The following CACNB2 variants were observed in gnomAD, a reference collection of about 807,000 sequenced individuals.
CACNB2 encodes the protein calcium voltage-gated channel auxiliary subunit beta 2, also known as voltage-dependent L-type calcium channel subunit beta-2.
Under a neutral mutation model 73.3 loss-of-function variants are expected in CACNB2, and 42 were observed. The observed-to-expected ratio is 0.57, with a 90% CI of 0.45 to 0.74. CACNB2 has a LOEUF of 0.74. Among genes scored for constraint, CACNB2 ranks in the 30% least tolerant of loss-of-function variants. CACNB2 has a pLI of 0.00. For missense variants in CACNB2, 940 were observed against 853.0 expected, an observed-to-expected ratio of 1.10 and a Z score of -1.27; for synonymous variants, 348 against 310.3, an observed-to-expected ratio of 1.12 and a Z score of -1.28.
rs1332960348 is a variant in CACNB2, at chr10:18,367,046, A to G, written c.214-34878A>G. 3.3e-5 allele frequency among the ~76,000 whole-genome samples: 5 copies of G among 152,224 alleles called. No individual in the cohort carries two copies. In the East Asian group the frequency reaches 9.6e-4, roughly 29 times the overall value. ...GCTGAGAATTTACTTCGAGGTGTGT[A>G]CGAAACATGTACTACGATGACGATG... On this transcript the variant is annotated intron_variant, in intron 2 of 13. Transcript: ENST00000324631.
At chr10:18,530,378 T>G (rs1480104554) in intron 10 of CACNB2, among the ~76,000 whole-genome samples, 1 of 152,066 alleles carries the variant, frequency 6.6e-6, no homozygotes, top group Admixed American at 6.6e-5. Context: ...GGACAAAATC[T>G]TGTATATATA....
chr10:18,398,577 C>T lies in CACNB2; in HGVS notation c.214-3347C>T, dbSNP rs191111474. Among the ~76,000 whole-genome samples, 31 of 151,766 alleles carry T rather than the reference C, an allele frequency of 2.0e-4. No individual in the cohort carries two copies. The East Asian group carries it at 5.2e-3, about 26-fold the overall frequency. The stretch of plus-strand genomic sequence containing the variant: ...TCCCAGCTGCTTGGGAGGCTGAAGC[C>T]GGAGGATCACTTTCGCCCAGGAGGT... On this transcript the variant is annotated intron_variant, in intron 2 of 13. Coordinates refer to ENST00000324631, the MANE Select transcript of CACNB2 (RefSeq NM_201596.3).
intron 9 of CACNB2, among the ~76,000 whole-genome samples, chr10:18,520,471 T>A (rs1232649178): frequency 6.6e-6 from 1 of 152,198 alleles, no homozygotes. Flanking sequence ...TCCCACCTTG[T>A]CTCCTTGCTT....
At position 18,462,947 on chromosome 10, in the gene CACNB2, C is replaced by T. The variant is rs184470543; in HGVS notation, c.334-35408C>T. Among the ~76,000 whole-genome samples, 349 of 151,872 alleles carry T rather than the reference C, an allele frequency of 2.3e-3. 2 individuals are homozygous for T. The highest frequency in any genetic ancestry group is 7.5e-3 in the African/African-American group (310 of 41,438). ...CTAATTTTTGTATTTTTAGTAGAGACGGGGTTTCACCATGTTGGCCAGGCT... is the reference window on the plus strand; with the variant it reads ...CTAATTTTTGTATTTTTAGTAGAGATGGGGTTTCACCATGTTGGCCAGGCT... On this transcript the variant is annotated intron_variant, in intron 3 of 13. Transcript: ENST00000324631.
intron 2 of CACNB2, among the ~76,000 whole-genome samples, chr10:18,289,454 C>T (rs1471278989): frequency 6.8e-6 from 1 of 147,970 alleles, no homozygotes; most frequent in East Asian, 2.0e-4. Flanking sequence ...GACACCACAC[C>T]CAGCTAATTT....
At chr10:18,368,652 T>C (rs2042451526) in intron 2 of CACNB2, among the ~76,000 whole-genome samples, 1 of 152,162 alleles carries the variant, frequency 6.6e-6, no homozygotes, top group Admixed American at 6.5e-5. Context: ...AGAATGTAAA[T>C]GTATACAGAA....
At chr10:18,147,078 C>G (rs950807485) in intron 1 of CACNB2, among the ~76,000 whole-genome samples, 3 of 152,224 alleles carry the variant, frequency 2.0e-5, no homozygotes, top group Admixed American at 2.0e-4. Flanking sequence ...CTCCAGTTAA[C>G]TGACAACTTC....
chr10:18,302,851 G>GAAATAAA (rs770052363), intron 2 of CACNB2, among the ~76,000 whole-genome samples: 1 of 152,208 alleles, frequency 6.6e-6, no homozygotes, highest in Admixed American at 6.5e-5. Context: ...AAAACCTATG[G>GAAATAAA]AAATAAAAAA....
chr10:18,249,910 C>T lies in CACNB2; in HGVS notation c.213+98935C>T, dbSNP rs143209396. On this transcript the variant is annotated intron_variant, in intron 2 of 13. Coordinates refer to ENST00000324631, the MANE Select transcript of CACNB2 (RefSeq NM_201596.3). The stretch of plus-strand genomic sequence containing the variant: ...TGTTTTCTCCTCTGATCCTGCTCCT[C>T]CCTAAATATTTTTCTTCTCAGGAAA... Among the ~76,000 whole-genome samples, 66 of 152,230 alleles carry T rather than the reference C, an allele frequency of 4.3e-4. No homozygotes were observed. In the East Asian group the frequency reaches 5.6e-3, roughly 13 times the overall value.
At chr10:18,165,780 G>A (rs1368370411) in intron 2 of CACNB2, among the ~76,000 whole-genome samples, 2 of 152,192 alleles carry the variant, frequency 1.3e-5, no homozygotes, top group Non-Finnish European at 2.9e-5. Context: ...TCAAATAAGA[G>A]TGTATTTTTA....
At chr10:18,168,499 G>GTGTC (rs1438895815) in intron 2 of CACNB2, among the ~76,000 whole-genome samples, 1 of 149,774 alleles carries the variant, frequency 6.7e-6, no homozygotes, top group East Asian at 2.0e-4. Flanking sequence ...TTCCTTCTTT[G>GTGTC]TGTGTGTGTG....
intron 2 of CACNB2, among the ~76,000 whole-genome samples, chr10:18,245,926 G>A (rs140585840): frequency 2.6e-5 from 4 of 152,270 alleles, no homozygotes; most frequent in Admixed American, 6.5e-5. Context: ...CAATCGATGG[G>A]CATCAGTGGG....
At chr10:18,499,929 T>C (rs2050101588) in intron 4 of CACNB2, among the ~76,000 whole-genome samples, 1 of 151,878 alleles carries the variant, frequency 6.6e-6, no homozygotes, top group Non-Finnish European at 1.5e-5. Context: ...CAGGATCATG[T>C]CACTGCACTC....
intron 2 of CACNB2, among the ~76,000 whole-genome samples, chr10:18,294,529 T>C (rs935557609): frequency 6.6e-6 from 1 of 152,118 alleles, no homozygotes; most frequent in Non-Finnish European, 1.5e-5. Flanking sequence ...AGCAAATACC[T>C]AAGTAGTACA....
In CACNB2 at chr10:18,409,749, C is replaced by T. The variant is rs539470605; in HGVS notation, c.333+7706C>T. The stretch of plus-strand genomic sequence containing the variant: ...TGGGCACCATTATCTTTTAATCTGG[C>T]CAATGCCCCAGAGAGGACTCCCCCA... On this transcript the variant is annotated intron_variant, in intron 3 of 13. Coordinates refer to ENST00000324631, the MANE Select transcript of CACNB2 (RefSeq NM_201596.3). Among the ~76,000 whole-genome samples the T allele has an allele frequency of 3.3e-5, 5 of 152,268 alleles. No homozygotes were observed. In the East Asian group the frequency reaches 7.7e-4, roughly 24 times the overall value.
At chr10:18,431,198 G>C (rs769886861) in intron 3 of CACNB2, among the ~76,000 whole-genome samples, 1 of 151,362 alleles carries the variant, frequency 6.6e-6, no homozygotes, top group Non-Finnish European at 1.5e-5. Context: ...GCACAGCCTC[G>C]TCTCAAACTC....
At chr10:18,493,150 G>C (rs558052249) in intron 3 of CACNB2, among the ~76,000 whole-genome samples, 1 of 152,292 alleles carries the variant, frequency 6.6e-6, no homozygotes, top group East Asian at 1.9e-4. Context: ...GATGTGTGCA[G>C]TTATGCGCAA....
intron 10 of CACNB2, 28 bp from the exon 11 acceptor site, chr10:18,534,045 CACT>C (rs1242035045): frequency 6.2e-7 from 1 of 1,611,710 alleles, no homozygotes; most frequent in Admixed American, 1.7e-5. Flanking sequence ...AAAAATACTG[CACT>C]TTAACTGAAT....
chr10:18,495,832 G>GA (rs2049778900), intron 3 of CACNB2, among the ~76,000 whole-genome samples: 1 of 151,786 alleles, frequency 6.6e-6, no homozygotes. Context: ...AACATTTCTA[G>GA]AAAAAATAGA....
Sources: gnomAD v4.1 joint callset for allele counts (sites outside exome capture counted in the v4.1 genomes callset) on GRCh38, gnomAD v4.1.1 for gene constraint, MANE v1.5 for transcripts, NCBI Gene and HGNC (gene_info 2026-07-23, HGNC 2026-07-21) for gene names.